Variants in MBNL2 observed in about 807,000 individuals in gnomAD.
MBNL2 encodes the protein muscleblind like splicing regulator 2.
Under a neutral mutation model 41.9 loss-of-function variants are expected in MBNL2, and 17 were observed. The ratio of observed to expected loss-of-function variants is 0.41; its 90% CI spans 0.28 to 0.61. The LOEUF is 0.61. Among genes scored for constraint, MBNL2 ranks in the 20% least tolerant of loss-of-function variants. The pLI is 0.35. For missense variants in MBNL2, 336 were observed against 505.6 expected (o/e 0.66, Z 3.22); for synonymous variants, 195 against 182.9 (o/e 1.07, Z -0.53).
At chr13:97,262,930 A>T (rs1211256200) in intron 1 of MBNL2, among the ~76,000 whole-genome samples, 1 of 151,744 alleles carries the variant, frequency 6.6e-6, no homozygotes, top group African/African-American at 2.4e-5. Context: ...CGCCAAGCTA[A>T]TTTTTGCTTC....
At chr13:97,326,372 A>G (rs1273077540) in intron 2 of MBNL2, among the ~76,000 whole-genome samples, 1 of 152,234 alleles carries the variant, frequency 6.6e-6, no homozygotes, top group African/African-American at 2.4e-5. Context: ...AATGGAAGCA[A>G]CAGAGAAAAA....
chr13:97,213,318 A>G, the MBNL2 span, among the ~76,000 whole-genome samples: 2 of 152,300 alleles, frequency 1.3e-5, no homozygotes, highest in African/African-American at 2.4e-5. Context: ...AACAGGAAAA[A>G]AAAACCATTT....
rs565344820 is a variant in MBNL2 at position 97,271,482 on chromosome 13, A to G, written c.-604-4150A>G. Reference sequence around the variant, plus strand: ...AACAAAAAACAAAACAAAAAAAAACAGGATACATGTGCAGAATGTGCAGGT... The same window carrying G: ...AACAAAAAACAAAACAAAAAAAAACGGGATACATGTGCAGAATGTGCAGGT... On this transcript the variant is annotated intron_variant, in intron 1 of 8. Coordinates refer to ENST00000679496, the MANE Select transcript of MBNL2 (RefSeq NM_001382683.1). Among the ~76,000 whole-genome samples, 4 of 152,156 alleles carry G rather than the reference A, an allele frequency of 2.6e-5. No homozygotes were observed. In the East Asian group the frequency reaches 7.7e-4, roughly 29 times the overall value.
the MBNL2 span, among the ~76,000 whole-genome samples, chr13:97,156,557 T>C: frequency 7.2e-6 from 1 of 139,116 alleles, no homozygotes; most frequent in Non-Finnish European, 1.5e-5. Context: ...TAATCCATCT[T>C]GAATTGATTT....
At chr13:97,233,092 G>A (rs1158006561) in intron 1 of MBNL2, among the ~76,000 whole-genome samples, 4 of 116,758 alleles carry the variant, frequency 3.4e-5, no homozygotes, top group Non-Finnish European at 3.5e-5. Flanking sequence ...GTGCAGTGCC[G>A]TTTTCTTTGA....
intron 2 of MBNL2, among the ~76,000 whole-genome samples, chr13:97,315,430 A>T (rs917835342): frequency 9.8e-5 from 15 of 152,356 alleles, no homozygotes; most frequent in Admixed American, 4.6e-4. Flanking sequence ...GCTTCTGCTC[A>T]TGAGAAACTT....
chr13:97,261,975 C>T (rs1209808718), intron 1 of MBNL2, among the ~76,000 whole-genome samples: 1 of 152,224 alleles, frequency 6.6e-6, no homozygotes, highest in African/African-American at 2.4e-5. Context: ...TCCCCAAGCT[C>T]TTGTCCTGTT....
the MBNL2 span, among the ~76,000 whole-genome samples, chr13:97,200,155 G>A: frequency 6.6e-6 from 1 of 152,234 alleles, no homozygotes; most frequent in Admixed American, 6.5e-5. Flanking sequence ...GCCACTTGCT[G>A]GAGATGCTGG....
intron 1 of MBNL2, among the ~76,000 whole-genome samples, chr13:97,238,161 T>C (rs1277368308): frequency 6.6e-6 from 1 of 152,182 alleles, no homozygotes; most frequent in Non-Finnish European, 1.5e-5. Flanking sequence ...TTCTGTAGCG[T>C]GTGGAGCCCA....
At chr13:97,227,441 G>A (rs2041814853) in intron 1 of MBNL2, among the ~76,000 whole-genome samples, 1 of 152,172 alleles carries the variant, frequency 6.6e-6, no homozygotes, top group Non-Finnish European at 1.5e-5. Context: ...AATGAGATAA[G>A]GATGGTTAAG....
At chr13:97,145,837 GA>G in the MBNL2 span, among the ~76,000 whole-genome samples, 2 of 152,270 alleles carry the variant, frequency 1.3e-5, no homozygotes, top group South Asian at 2.1e-4. Context: ...GCTGCTCCCT[GA>G]AACAAGGCAA....
At chr13:97,331,698 T>C (rs1204566592) in intron 2 of MBNL2, among the ~76,000 whole-genome samples, 1 of 152,212 alleles carries the variant, frequency 6.6e-6, no homozygotes, top group Non-Finnish European at 1.5e-5. Context: ...GGATCATTAC[T>C]GCTGTTATAA....
At chr13:97,177,880 C>G in the MBNL2 span, among the ~76,000 whole-genome samples, 12 of 152,268 alleles carry the variant, frequency 7.9e-5, no homozygotes, top group East Asian at 5.8e-4. Context: ...ACAGTATCTT[C>G]AAATTGTGGT....
chr13:97,347,130 G>A (rs2061958107), intron 5 of MBNL2, 63 bp downstream of exon 5: 1 of 1,274,508 alleles, frequency 7.8e-7, no homozygotes, highest in Non-Finnish European at 1.0e-6. Context: ...TCCGGGCTGG[G>A]ACTTGGATGT....
At chr13:97,228,221 C>T (rs971907464) in intron 1 of MBNL2, among the ~76,000 whole-genome samples, 1 of 152,106 alleles carries the variant, frequency 6.6e-6, no homozygotes, top group Non-Finnish European at 1.5e-5. Context: ...CTCTGAAAAG[C>T]TCTGACAGCC....
At position 97,379,179 on chromosome 13, in the gene MBNL2, T is replaced by A. The variant is rs544017509; in HGVS notation, c.1049-12143T>A. Among the ~76,000 whole-genome samples, 444 of 152,290 alleles carry A rather than the reference T, an allele frequency of 2.9e-3. 2 individuals are homozygous for A. The highest frequency in any genetic ancestry group is 5.4e-3 in the Non-Finnish European group (364 of 68,024). The stretch of plus-strand genomic sequence containing the variant: ...AGAAAGTTTAGTAGAAGCGAAAACT[T>A]TTTAAAGTCCAAGCTCAATATCAGA... On this transcript the variant is annotated intron_variant, in intron 8 of 8. Transcript: ENST00000679496.
intron 8 of MBNL2, among the ~76,000 whole-genome samples, chr13:97,370,537 C>T (rs997158632): frequency 5.9e-5 from 9 of 151,830 alleles, no homozygotes; most frequent in Non-Finnish European, 1.2e-4. Context: ...GGCATGGTGG[C>T]GCATGCCTGT....
chr13:97,212,179 A>G, the MBNL2 span, among the ~76,000 whole-genome samples: 25,574 of 152,160 alleles, frequency 0.17, 2,879 homozygotes, highest in African/African-American at 0.32. Context: ...CAGGCAAACT[A>G]GAGGCCAAAG....
At chr13:97,296,097 T>C (rs1384346134) in intron 2 of MBNL2, among the ~76,000 whole-genome samples, 1 of 152,198 alleles carries the variant, frequency 6.6e-6, no homozygotes, top group African/African-American at 2.4e-5. Flanking sequence ...AAATAAACCA[T>C]GGAACTCTGT....
Sources: gnomAD v4.1 joint callset for allele counts (sites outside exome capture counted in the v4.1 genomes callset) on GRCh38, gnomAD v4.1.1 for gene constraint, MANE v1.5 for transcripts, NCBI Gene and HGNC (gene_info 2026-07-23, HGNC 2026-07-21) for gene names.